The following ZMIZ1 variants were observed in gnomAD, a reference collection of about 807,000 sequenced individuals.
ZMIZ1 encodes the protein zinc finger MIZ domain-containing protein 1.
In ZMIZ1, 17 loss-of-function variants were observed where a neutral mutation model predicts 113.9. The ratio of observed to expected loss-of-function variants is 0.15; its 90% CI spans 0.10 to 0.22. The LOEUF (loss-of-function observed/expected upper bound fraction) is 0.22. ZMIZ1 is among the 10% of genes least tolerant of loss of function. ZMIZ1 has a pLI of 1.00. For synonymous variants in ZMIZ1, 607 were observed against 603.1 expected (o/e 1.01, Z -0.09); for missense variants, 1,059 against 1,477.8 (o/e 0.72, Z 4.65).
At chr10:79,165,423 A>AGAGG (rs1181885456) in intron 4 of ZMIZ1, among the ~76,000 whole-genome samples, 3 of 152,272 alleles carry the variant, frequency 2.0e-5, no homozygotes, top group Middle Eastern at 3.4e-3. Flanking sequence ...CAGAGCTTCC[A>AGAGG]GAGGGAGGGA....
At chr10:79,089,329 C>T (rs1201465161) in intron 1 of ZMIZ1, among the ~76,000 whole-genome samples, 1 of 152,266 alleles carries the variant, frequency 6.6e-6, no homozygotes, top group African/African-American at 2.4e-5. Context: ...TGTGCAAACA[C>T]AAATTGTGGA....
intron 1 of ZMIZ1, among the ~76,000 whole-genome samples, chr10:79,113,481 T>G (rs760604611): frequency 2.6e-5 from 4 of 152,048 alleles, no homozygotes; most frequent in Non-Finnish European, 5.9e-5. Flanking sequence ...TTCCTTCCCC[T>G]GGCCTGGCCT....
chr10:79,092,168 G>T (rs1470673057), intron 1 of ZMIZ1, among the ~76,000 whole-genome samples: 1 of 152,174 alleles, frequency 6.6e-6, no homozygotes, highest in Non-Finnish European at 1.5e-5. Flanking sequence ...AAAATGGGGA[G>T]ATTCTGCAAC....
At chr10:79,278,874 C>T (rs1852487585) in intron 8 of ZMIZ1, among the ~76,000 whole-genome samples, 1 of 152,230 alleles carries the variant, frequency 6.6e-6, no homozygotes, top group Non-Finnish European at 1.5e-5. Flanking sequence ...ATCTCTCTTT[C>T]TTTTCCCCAC....
At chr10:79,073,953 C>A (rs1842386392) in intron 1 of ZMIZ1, among the ~76,000 whole-genome samples, 1 of 152,202 alleles carries the variant, frequency 6.6e-6, no homozygotes, top group African/African-American at 2.4e-5. Flanking sequence ...CAGGAGCCCA[C>A]AGTCCAGTGC....
At chr10:79,170,308 C>G (rs1846546749) in intron 4 of ZMIZ1, among the ~76,000 whole-genome samples, 1 of 152,214 alleles carries the variant, frequency 6.6e-6, no homozygotes, top group African/African-American at 2.4e-5. Context: ...AGGGATCTTT[C>G]TGCCCTTAAA....
intron 5 of ZMIZ1, among the ~76,000 whole-genome samples, chr10:79,202,204 AAAAAAAAAAAG>A (rs1467934470): frequency 7.9e-5 from 11 of 138,748 alleles, no homozygotes; most frequent in African/African-American, 2.5e-4. Context: ...AAAAAAAAAA[AAAAAAAAAAAG>A]AAAGAAAGAA....
chr10:79,138,074 G>A lies in ZMIZ1; in HGVS notation c.-226-1608G>A, dbSNP rs1220059258. Among the ~76,000 whole-genome samples, 8 of 152,250 alleles carry A rather than the reference G, an allele frequency of 5.3e-5. No individual in the cohort carries two copies. In the East Asian group the frequency reaches 7.7e-4, roughly 15 times the overall value. On this transcript the variant is annotated intron_variant, in intron 2 of 24. Coordinates refer to ENST00000334512, the MANE Select transcript of ZMIZ1 (RefSeq NM_020338.4). ...GTTCTCAGCGGGAGGGGCAGGCGGC[G>A]GGCACTGGGCCAGGGGCCCAGCCAG...
chr10:79,188,635 A>G (rs1489332120), intron 4 of ZMIZ1, among the ~76,000 whole-genome samples: 3 of 98,326 alleles, frequency 3.1e-5, no homozygotes, highest in South Asian at 3.7e-4. Flanking sequence ...CCCCCCTAGT[A>G]TCCCCTCCCC....
intron 1 of ZMIZ1, among the ~76,000 whole-genome samples, chr10:79,070,830 C>T (rs917707246): frequency 4.0e-5 from 6 of 151,380 alleles, no homozygotes; most frequent in Admixed American, 6.6e-5. Flanking sequence ...TTGAGCCTGC[C>T]CGCCTGCCTC....
At chr10:79,168,447 G>A (rs932487492) in intron 4 of ZMIZ1, among the ~76,000 whole-genome samples, 1 of 152,112 alleles carries the variant, frequency 6.6e-6, no homozygotes, top group African/African-American at 2.4e-5. Context: ...CCACTAGACT[G>A]TATACTCCTT....
At chr10:79,071,953 G>C (rs1419447530) in intron 1 of ZMIZ1, among the ~76,000 whole-genome samples, 2 of 150,234 alleles carry the variant, frequency 1.3e-5, no homozygotes, top group Admixed American at 1.3e-4. Context: ...CTGAGAGTTG[G>C]TGGCAGTGAC....
chr10:79,316,462 A>G lies in ZMIZ1; in HGVS notation c.*3713A>G, dbSNP rs1312928119. ...AGACATTTCTATACTCTGTTGTAACACTGAGGTATCTCATTTGCCCATGTT... is the reference window on the plus strand; with the variant it reads ...AGACATTTCTATACTCTGTTGTAACGCTGAGGTATCTCATTTGCCCATGTT... On this transcript the variant is annotated 3_prime_UTR_variant, in exon 25 of 25. Coordinates refer to ENST00000334512, the MANE Select transcript of ZMIZ1 (RefSeq NM_020338.4). The G allele has an allele frequency of 6.5e-6, 1 of 152,786 alleles. No individual in the cohort carries two copies. The highest frequency in any genetic ancestry group is 1.5e-5 in the Non-Finnish European group (1 of 68,052). 9.5% of individuals were successfully genotyped at this position (152,786 alleles called of 1,614,324 possible). A position where few individuals can be genotyped will look rare whatever the true frequency, so the allele number is the denominator to read the frequency against.
At chr10:79,076,851 T>C (rs911076481) in intron 1 of ZMIZ1, among the ~76,000 whole-genome samples, 2 of 151,858 alleles carry the variant, frequency 1.3e-5, no homozygotes, top group African/African-American at 4.8e-5. Context: ...AATAAATAAA[T>C]AAAACAAAAC....
chr10:79,267,535 AC>A (rs1851681440), intron 7 of ZMIZ1, among the ~76,000 whole-genome samples: 2 of 152,184 alleles, frequency 1.3e-5, no homozygotes, highest in Admixed American at 1.3e-4. Flanking sequence ...GGTAGGTGCT[AC>A]TTATTATCCC....
chr10:79,103,284 G>A (rs867221530), intron 1 of ZMIZ1, among the ~76,000 whole-genome samples: 3 of 151,796 alleles, frequency 2.0e-5, no homozygotes, highest in Admixed American at 1.3e-4. Flanking sequence ...CTCGAGGGCC[G>A]TGGGGATGCC....
At chr10:79,259,027 G>A (rs1417794774) in intron 7 of ZMIZ1, among the ~76,000 whole-genome samples, 1 of 152,170 alleles carries the variant, frequency 6.6e-6, no homozygotes, top group East Asian at 1.9e-4. Context: ...TTGTAGGCGA[G>A]GGGAGGAAGC....
chr10:79,218,584 G>GGTGTGTGTGTGTGTGTGTGTGT (rs55736085), intron 7 of ZMIZ1, among the ~76,000 whole-genome samples: 47 of 147,888 alleles, frequency 3.2e-4, no homozygotes, highest in African/African-American at 7.9e-4. Context: ...TAATTAGAGG[G>GGTGTGTGTGTGTGTGTGTGTGT]GTGTGTGTGT....
chr10:79,304,123 C>G lies in ZMIZ1; in HGVS notation c.2234C>G (p.Thr745Arg), dbSNP rs1178663278. Residue 745 changes from threonine to arginine, a missense_variant, in exon 19 of 25, where the codon ACA becomes AGA. By Grantham distance (71) the Thr-to-Arg change is moderately conservative (BLOSUM62 -1). This residue lies in a region of ZMIZ1 where 217 missense variants were observed against 426.9 expected (regional missense o/e 0.51). Coordinates refer to ENST00000334512, the MANE Select transcript of ZMIZ1 (RefSeq NM_020338.4). ...AIKVSLKCPI[T>R]FRRIQLPARG... Reference sequence around the variant, plus strand: ...AAGGTGTCTCTGAAGTGCCCCATCACATTCCGGCGCATCCAGCTGCCTGCT... The same window carrying G: ...AAGGTGTCTCTGAAGTGCCCCATCAGATTCCGGCGCATCCAGCTGCCTGCT... 6.2e-7 allele frequency: 1 copy of G among 1,614,074 alleles called. No homozygotes were observed. The highest frequency in any genetic ancestry group is 8.5e-7 in the Non-Finnish European group (1 of 1,180,030).
Sources: gnomAD v4.1 joint callset for allele counts (sites outside exome capture counted in the v4.1 genomes callset) on GRCh38, gnomAD v4.1.1 for gene constraint, gnomAD v4.1.1 regional missense constraint, MANE v1.5 for transcripts, NCBI Gene and HGNC (gene_info 2026-07-23, HGNC 2026-07-21) for gene names.